The following CDC14B variants were observed in gnomAD, a reference collection of about 807,000 sequenced individuals.
The protein encoded by CDC14B is cell division cycle 14B.
In CDC14B, 22 loss-of-function variants were observed where a neutral mutation model predicts 64.2. The observed-to-expected ratio is 0.34, with a 90% CI of 0.24 to 0.49. The LOEUF (loss-of-function observed/expected upper bound fraction) is 0.49. Ranked by LOEUF, CDC14B falls within the 20% of genes least tolerant of loss-of-function variation. CDC14B has a pLI of 0.99. For synonymous variants in CDC14B, 191 were observed against 215.8 expected (o/e 0.89, Z 1.01); for missense variants, 498 against 629.9 (o/e 0.79, Z 2.24).
intron 5 of CDC14B, among the ~76,000 whole-genome samples, chr9:96,551,111 C>CCTTTTTTTTTTTTTTTTTT (rs1841744448): frequency 1.1e-5 from 1 of 93,296 alleles, no homozygotes; most frequent in African/African-American, 4.9e-5. Context: ...TTGGGGTTTG[C>CCTTTTTTTTTTTTTTTTTT]TTTTTTTTTT....
chr9:96,551,690 T>A, intron 5 of CDC14B, 106 bp downstream of exon 5: 1 of 1,477,080 alleles, frequency 6.8e-7, no homozygotes, highest in Non-Finnish European at 9.1e-7. Context: ...TTTGCGCTCA[T>A]CCTAAAATGA....
At chr9:96,536,610 T>C (rs77632594) in intron 7 of CDC14B, among the ~76,000 whole-genome samples, 4 of 152,312 alleles carry the variant, frequency 2.6e-5, no homozygotes, top group Non-Finnish European at 5.9e-5. Context: ...AACAACTGAG[T>C]GTCATTATTA....
chr9:96,570,153 G>C (rs181742343), intron 1 of CDC14B, among the ~76,000 whole-genome samples: 1 of 152,248 alleles, frequency 6.6e-6, no homozygotes, highest in African/African-American at 2.4e-5. Context: ...TTGTCTGTAG[G>C]TCTGATTTGA....
rs753127526 is a variant in CDC14B at position 96,523,425 on chromosome 9, A to G, written c.1086-5T>C. 5 of 1,613,556 alleles carry G rather than the reference A, an allele frequency of 3.1e-6. No homozygotes were observed. Among genetic ancestry groups the G allele is most frequent in the Non-Finnish European group, 3.4e-6 (4 of 1,179,712 alleles). ...AGCCAGAGGTTGGTTTGCTTCCTAG[A>G]GCATTTAAATAACATCAAAATAGAG... On this transcript the variant is annotated splice_region_variant and splice_polypyrimidine_tract_variant and intron_variant, in intron 10 of 13. Coordinates refer to ENST00000375241, the MANE Select transcript of CDC14B (RefSeq NM_033331.4).
At chr9:96,561,571 C>T (rs940576096) in intron 4 of CDC14B, among the ~76,000 whole-genome samples, 1 of 151,994 alleles carries the variant, frequency 6.6e-6, no homozygotes, top group Non-Finnish European at 1.5e-5. Context: ...CTCCACCTCC[C>T]GGGTTCACGA....
intron 12 of CDC14B, among the ~76,000 whole-genome samples, chr9:96,512,479 C>T (rs578087989): frequency 6.6e-6 from 1 of 151,804 alleles, no homozygotes; most frequent in African/African-American, 2.4e-5. Context: ...GCCACCACAC[C>T]CAGCTAATTT....
At chr9:96,530,929 C>T (rs1465742703) in intron 9 of CDC14B, among the ~76,000 whole-genome samples, 1 of 152,026 alleles carries the variant, frequency 6.6e-6, no homozygotes, top group Non-Finnish European at 1.5e-5. Context: ...TGGTTTTTGT[C>T]CTTAACGTGG....
intron 5 of CDC14B, among the ~76,000 whole-genome samples, chr9:96,542,212 T>C (rs1027363256): frequency 6.6e-6 from 1 of 150,632 alleles, no homozygotes; most frequent in African/African-American, 2.5e-5. Flanking sequence ...TACCTATCTC[T>C]CCCCCAAAGG....
chr9:96,571,033 G>A (rs184998691), intron 1 of CDC14B, among the ~76,000 whole-genome samples: 43 of 152,196 alleles, frequency 2.8e-4, no homozygotes, highest in African/African-American at 8.4e-4. Flanking sequence ...TTTCAATTCA[G>A]TAACAAAGAA....
chr9:96,559,471 G>A (rs1321475691), intron 4 of CDC14B, among the ~76,000 whole-genome samples: 1 of 152,176 alleles, frequency 6.6e-6, no homozygotes, highest in East Asian at 1.9e-4. Context: ...TAGGGAACTA[G>A]CACTCATCTC....
rs202193145 is a variant in CDC14B at position 96,551,111 on chromosome 9, C to CTTTTTTTTTTT, written c.497+674_497+684dup. ...TACAAAGCCTAGGTTTTGGGGTTTG[C>CTTTTTTTTTTT]TTTTTTTTTTTTTTTTTTTGAGACA... is the stretch of plus-strand genomic sequence containing the variant. On this transcript the variant is annotated intron_variant, in intron 5 of 13. Coordinates refer to ENST00000375241, the MANE Select transcript of CDC14B (RefSeq NM_033331.4). Among the ~76,000 whole-genome samples, 495 of 93,228 alleles carry CTTTTTTTTTTT rather than the reference C, an allele frequency of 5.3e-3. 79 individuals are homozygous for CTTTTTTTTTTT. The highest frequency in any genetic ancestry group is 0.023 in the African/African-American group (468 of 20,330). 61.2% of individuals were successfully genotyped at this position (93,228 alleles called of 152,430 possible).
chr9:96,495,195 G>T (rs972445295), downstream of CDC14B, among the ~76,000 whole-genome samples: 4 of 152,150 alleles, frequency 2.6e-5, no homozygotes, highest in Admixed American at 2.0e-4. Context: ...AACTTTGGGA[G>T]CTCAAAGCCA....
chr9:96,606,534 T>TGTGTG (rs1460498240), intron 1 of CDC14B, among the ~76,000 whole-genome samples: 3 of 113,566 alleles, frequency 2.6e-5, no homozygotes, highest in Non-Finnish European at 3.3e-5. Context: ...AGTTTGTGTG[T>TGTGTG]GTGTGTGTGT....
chr9:96,543,508 T>C (rs1157326701), intron 5 of CDC14B, among the ~76,000 whole-genome samples: 1 of 152,162 alleles, frequency 6.6e-6, no homozygotes, highest in African/African-American at 2.4e-5. Flanking sequence ...TTCCACAGGA[T>C]CACTCTAGTT....
chr9:96,513,007 A>G (rs2131366260), intron 12 of CDC14B, among the ~76,000 whole-genome samples: 1 of 152,326 alleles, frequency 6.6e-6, no homozygotes, highest in South Asian at 2.1e-4. Flanking sequence ...CTCAAATTAA[A>G]ACTATGACTG....
chr9:96,544,398 A>G (rs1485460731), intron 5 of CDC14B, among the ~76,000 whole-genome samples: 1 of 152,218 alleles, frequency 6.6e-6, no homozygotes, highest in East Asian at 1.9e-4. Context: ...GAGGGCAAGA[A>G]AAGGCATCCT....
intron 13 of CDC14B, among the ~76,000 whole-genome samples, chr9:96,505,136 G>A (rs568173116): frequency 3.3e-5 from 5 of 150,738 alleles, no homozygotes; most frequent in African/African-American, 9.8e-5. Context: ...AGCCAAGATC[G>A]CACCACAGCA....
chr9:96,553,355 CTTTTCTTT>C (rs1842076769), intron 4 of CDC14B, among the ~76,000 whole-genome samples: 1 of 144,914 alleles, frequency 6.9e-6, no homozygotes, highest in African/African-American at 2.8e-5. Flanking sequence ...TCTTTCTTTT[CTTTTCTTT>C]TTTTTTTTTT....
intron 12 of CDC14B, among the ~76,000 whole-genome samples, chr9:96,518,946 C>T (rs1836206655): frequency 6.6e-6 from 1 of 151,986 alleles, no homozygotes; most frequent in African/African-American, 2.4e-5. Context: ...ACCATCCTGG[C>T]TAACACAGTG....
Sources: gnomAD v4.1 joint callset for allele counts (sites outside exome capture counted in the v4.1 genomes callset) on GRCh38, gnomAD v4.1.1 for gene constraint, MANE v1.5 for transcripts, NCBI Gene and HGNC (gene_info 2026-07-23, HGNC 2026-07-21) for gene names.